ANKRD44: variants seen among roughly 807,000 people sequenced by gnomAD.
ANKRD44 encodes serine/threonine-protein phosphatase 6 regulatory ankyrin repeat subunit B.
In ANKRD44, 35 loss-of-function variants were observed where a neutral mutation model predicts 116.0. The observed-to-expected ratio is 0.30, with a 90% CI of 0.23 to 0.40. The LOEUF (loss-of-function observed/expected upper bound fraction) is 0.40, where lower values mean the gene tolerates loss of function less well. ANKRD44 is among the 10% of genes least tolerant of loss of function. The pLI, the probability that ANKRD44 is intolerant of heterozygous loss-of-function variation, is 1.00. For synonymous variants in ANKRD44, 435 were observed against 461.8 expected, an observed-to-expected ratio of 0.94 and a Z score of 0.74; for missense variants, 1,014 against 1,242.6, an observed-to-expected ratio of 0.82 and a Z score of 2.77.
intron 1 of ANKRD44, among the ~76,000 whole-genome samples, chr2:197,271,652 T>G (rs1235248761): frequency 6.6e-6 from 1 of 152,260 alleles, no homozygotes; most frequent in Non-Finnish European, 1.5e-5. Flanking sequence ...TGCTTTGTTT[T>G]TGAGACAGGG....
At chr2:197,223,652 A>C (rs1236771322) in intron 1 of ANKRD44, among the ~76,000 whole-genome samples, 3 of 152,184 alleles carry the variant, frequency 2.0e-5, no homozygotes, top group Non-Finnish European at 2.9e-5. Context: ...TTCCCAGGGG[A>C]TAAAACCAGA....
chr2:196,973,669 T>C (rs950599765), intron 21 of ANKRD44, among the ~76,000 whole-genome samples: 3 of 152,210 alleles, frequency 2.0e-5, no homozygotes, highest in African/African-American at 7.2e-5. Context: ...TCTCTCTATA[T>C]GTGTATCCCC....
Position 197,212,003 on chromosome 2 carries a change from G to A in ANKRD44, c.28-24897C>T, listed in dbSNP as rs1252105875. On this transcript the variant is annotated intron_variant, in intron 1 of 27. Transcript: ENST00000282272. This position sits in a 1 kb window ranked among gnomAD's most constrained non-coding sequence, Gnocchi z 4.8. ...AGTAATCAACAGTAAGCTCATGCAC[G>A]GGAATTCCCTTCACTGAGCCTCTCT... Among the ~76,000 whole-genome samples, 2 of 151,722 alleles carry A rather than the reference G, an allele frequency of 1.3e-5. No homozygotes were observed. Among genetic ancestry groups the A allele is most frequent in the Non-Finnish European group, 2.9e-5 (2 of 67,974 alleles).
At chr2:197,238,123 G>T (rs1260879044) in intron 1 of ANKRD44, among the ~76,000 whole-genome samples, 1 of 152,192 alleles carries the variant, frequency 6.6e-6, no homozygotes, top group African/African-American at 2.4e-5. Context: ...TCATGTCACA[G>T]TTTGTACAGT....
intron 17 of ANKRD44, among the ~76,000 whole-genome samples, chr2:197,014,617 G>A (rs972875710): frequency 2.6e-5 from 4 of 151,742 alleles, no homozygotes; most frequent in Admixed American, 1.3e-4. Flanking sequence ...GTGAAACCTC[G>A]TCCCTACTAA....
chr2:197,150,020 G>A (rs1187753007), intron 2 of ANKRD44, among the ~76,000 whole-genome samples: 1 of 152,316 alleles, frequency 6.6e-6, no homozygotes, highest in Admixed American at 6.5e-5. Flanking sequence ...TTATTATGAA[G>A]TGCTTTTATT....
chr2:196,999,245 C>T (rs1173030443), intron 23 of ANKRD44, among the ~76,000 whole-genome samples, 193 bp from the exon 24 acceptor site: 1 of 152,128 alleles, frequency 6.6e-6, no homozygotes, highest in Non-Finnish European at 1.5e-5. Flanking sequence ...GACTGGAACC[C>T]CCTAGATTTG....
At chr2:197,211,741 C>T (rs759670542) in intron 1 of ANKRD44, among the ~76,000 whole-genome samples, 2 of 152,028 alleles carry the variant, frequency 1.3e-5, no homozygotes, top group Non-Finnish European at 2.9e-5. Flanking sequence ...GATGCTCCTT[C>T]TTTTCCCAAC....
intron 1 of ANKRD44, among the ~76,000 whole-genome samples, chr2:197,288,136 T>G (rs2083460300): frequency 6.6e-6 from 1 of 152,176 alleles, no homozygotes; most frequent in Admixed American, 6.5e-5. Flanking sequence ...GATCTGGGTC[T>G]TTAGATATGA....
chr2:197,268,598 G>T (rs983284327), intron 1 of ANKRD44, among the ~76,000 whole-genome samples: 2 of 152,158 alleles, frequency 1.3e-5, no homozygotes, highest in African/African-American at 4.8e-5. Flanking sequence ...ACAGAGATGC[G>T]ATTCACTCTG....
chr2:197,176,300 T>C (rs2080362556), intron 2 of ANKRD44, among the ~76,000 whole-genome samples: 1 of 152,222 alleles, frequency 6.6e-6, no homozygotes, highest in Admixed American at 6.5e-5. Context: ...ACGGTTTTGC[T>C]GTTTTTGTTG....
Position 197,174,228 on chromosome 2 carries a change from T to G in ANKRD44, c.111+12795A>C, listed in dbSNP as rs2697243. Among the ~76,000 whole-genome samples, 343 of 152,320 alleles carry G rather than the reference T, an allele frequency of 2.3e-3. 1 individual carries two copies. The highest frequency in any genetic ancestry group is 7.7e-3 in the African/African-American group (321 of 41,568). On this transcript the variant is annotated intron_variant, in intron 2 of 27. Transcript: ENST00000282272. ...TAAAATTTACCATCTTAATCATTTT[T>G]TCTAACTCATGTTTATTATTTGTAC...
At chr2:196,995,197 A>T in intron 26 of ANKRD44, 182 bp downstream of exon 26, 1 of 379,950 alleles carries the variant, frequency 2.6e-6, no homozygotes, top group Non-Finnish European at 4.7e-6. Flanking sequence ...TCTAACTAAA[A>T]CTGCCCAGCT....
intron 17 of ANKRD44, among the ~76,000 whole-genome samples, chr2:197,022,411 A>C (rs2076514425): frequency 6.6e-6 from 1 of 152,150 alleles, no homozygotes; most frequent in African/African-American, 2.4e-5. Flanking sequence ...ACATCATATC[A>C]ATCTGTTTCC....
chr2:197,162,144 T>A (rs535583050), intron 2 of ANKRD44, among the ~76,000 whole-genome samples: 1 of 152,352 alleles, frequency 6.6e-6, no homozygotes, highest in Non-Finnish European at 1.5e-5. Context: ...TGTTCTGGTA[T>A]GTGGCATTTT....
At chr2:197,022,471 TGA>T (rs2076515650) in intron 17 of ANKRD44, among the ~76,000 whole-genome samples, 1 of 152,206 alleles carries the variant, frequency 6.6e-6, no homozygotes, top group African/African-American at 2.4e-5. Flanking sequence ...AAAGTCCCCA[TGA>T]GATCTGTGGT....
intron 16 of ANKRD44, among the ~76,000 whole-genome samples, chr2:197,059,303 C>T (rs2077264097): frequency 6.6e-6 from 1 of 152,124 alleles, no homozygotes; most frequent in African/African-American, 2.4e-5. Flanking sequence ...ATTTTTCTTA[C>T]CTGCTCTTTG....
chr2:197,285,118 C>G (rs982696142), intron 1 of ANKRD44, among the ~76,000 whole-genome samples: 16 of 151,510 alleles, frequency 1.1e-4, no homozygotes, highest in African/African-American at 3.6e-4. Flanking sequence ...TACTTGAATC[C>G]CTCAGCCCAC....
chr2:196,987,833 A>C lies in ANKRD44; in HGVS notation c.*1758T>G. 1.0e-6 allele frequency: 1 copy of C among 982,094 alleles called. No individual in the cohort carries two copies. The highest frequency in any genetic ancestry group is 1.2e-6 in the Non-Finnish European group (1 of 828,848). 60.8% of individuals were successfully genotyped at this position (982,094 alleles called of 1,614,324 possible). On this transcript the variant is annotated 3_prime_UTR_variant, in exon 28 of 28. Transcript: ENST00000282272. ...GCACTAAGCAACTAAGACTCAGTTA[A>C]AAACACATTTTTTTTTCTTAGAAAG...
Sources: allele counts gnomAD v4.1 joint callset (sites outside exome capture counted in the v4.1 genomes callset), GRCh38; gene constraint gnomAD v4.1.1; non-coding constraint Gnocchi (gnomAD v3.1); transcripts MANE v1.5; gene names NCBI Gene and HGNC (gene_info 2026-07-23, HGNC 2026-07-21).